The following SNCAIP variants were observed in gnomAD, a reference collection of about 807,000 sequenced individuals.
SNCAIP encodes synuclein alpha interacting protein.
In SNCAIP, 43 loss-of-function variants were observed where a neutral mutation model predicts 86.7. That is an observed-to-expected ratio of 0.50 (90% CI 0.39 to 0.64). SNCAIP has a LOEUF of 0.64. SNCAIP is among the 30% of genes least tolerant of loss of function. The pLI is 0.00. For missense variants in SNCAIP, 981 were observed against 1,103.1 expected (o/e 0.89, Z 1.57); for synonymous variants, 417 against 427.2 (o/e 0.98, Z 0.29).
chr5:122,452,298 T>C (rs1363159953), intron 10 of SNCAIP, among the ~76,000 whole-genome samples: 1 of 152,206 alleles, frequency 6.6e-6, no homozygotes, highest in Non-Finnish European at 1.5e-5. Flanking sequence ...GATATGAACA[T>C]CTTTTTAGGC....
intron 1 of SNCAIP, among the ~76,000 whole-genome samples, chr5:122,390,381 T>G (rs1769091298): frequency 6.6e-6 from 1 of 152,034 alleles, no homozygotes; most frequent in South Asian, 2.1e-4. Flanking sequence ...CTGTGATAGA[T>G]TTAAAGGGTT....
At chr5:122,404,185 A>C (rs1772464623) in intron 3 of SNCAIP, among the ~76,000 whole-genome samples, 1 of 152,196 alleles carries the variant, frequency 6.6e-6, no homozygotes, top group South Asian at 2.1e-4. Context: ...TTGGTGACAA[A>C]ACATAATGAT....
chr5:122,414,491 A>C (rs961122985), intron 3 of SNCAIP, among the ~76,000 whole-genome samples: 6 of 152,084 alleles, frequency 3.9e-5, no homozygotes, highest in African/African-American at 7.2e-5. Context: ...TTAGCCTCCA[A>C]AGTGCTGGAA....
At chr5:122,374,431 GA>G (rs759331610) in intron 1 of SNCAIP, among the ~76,000 whole-genome samples, 8 of 152,048 alleles carry the variant, frequency 5.3e-5, no homozygotes, top group Non-Finnish European at 1.2e-4. Flanking sequence ...TGCCAAAGAG[GA>G]AAAACCCACA....
chr5:122,442,112 CT>C (rs10688988), intron 7 of SNCAIP, among the ~76,000 whole-genome samples: 168 of 65,730 alleles, frequency 2.6e-3, no homozygotes, highest in African/African-American at 6.6e-3. Flanking sequence ...AAGCAGTACT[CT>C]TTTTTTTTTT....
chr5:122,396,088 A>G (rs951938398), intron 2 of SNCAIP, among the ~76,000 whole-genome samples: 1 of 152,068 alleles, frequency 6.6e-6, no homozygotes, highest in Admixed American at 6.6e-5. Context: ...AGAATACCTC[A>G]GCTTTATGCA....
intron 1 of SNCAIP, among the ~76,000 whole-genome samples, chr5:122,370,961 C>T (rs1764154553): frequency 6.6e-6 from 1 of 152,122 alleles, no homozygotes; most frequent in Non-Finnish European, 1.5e-5. Flanking sequence ...ATCTCAAACT[C>T]AAGTGGGCTA....
chr5:122,365,610 C>T (rs555938774), intron 1 of SNCAIP, among the ~76,000 whole-genome samples: 8 of 152,130 alleles, frequency 5.3e-5, no homozygotes, highest in Non-Finnish European at 1.2e-4. Context: ...GCCTGTGAGG[C>T]GGAGATTGCA....
intron 10 of SNCAIP, among the ~76,000 whole-genome samples, chr5:122,455,544 T>C (rs1340046062): frequency 2.6e-5 from 4 of 152,146 alleles, no homozygotes; most frequent in Non-Finnish European, 5.9e-5. Context: ...AGTCATTGGG[T>C]TGGAGTTGGG....
intron 1 of SNCAIP, among the ~76,000 whole-genome samples, chr5:122,366,261 C>G (rs1763176109): frequency 6.6e-6 from 1 of 152,158 alleles, no homozygotes; most frequent in Admixed American, 6.5e-5. Context: ...AAGTTAGGGC[C>G]ACTAGCAAAG....
In SNCAIP at chr5:122,451,110, A is replaced by G. The variant is rs1393127270; in HGVS notation, c.2263A>G (p.Ser755Gly). ...GHSPSPTSES[S>G]EPDLESQYPG... ...CAGCCCATCTCCCACCTCAGAGAGCAGCGAACCAGACTTAGAATCCCAGTA... is the reference window on the plus strand; with the variant it reads ...CAGCCCATCTCCCACCTCAGAGAGCGGCGAACCAGACTTAGAATCCCAGTA... Residue 755 changes from serine to glycine, a missense_variant, in exon 10 of 11, where the codon AGC becomes GGC. Ser to Gly is a moderately conservative substitution (Grantham distance 56). Transcript: ENST00000261368. 1 of 1,614,034 alleles carries G rather than the reference A, an allele frequency of 6.2e-7. No individual in the cohort carries two copies. The highest frequency in any genetic ancestry group is 8.5e-7 in the Non-Finnish European group (1 of 1,180,026).
rs139923695 is a variant in SNCAIP at position 122,412,855 on chromosome 5, C to A, written c.130+8990C>A. 4.9e-3 allele frequency among the ~76,000 whole-genome samples: 753 copies of A among 152,302 alleles called. 4 individuals carry two copies. Among genetic ancestry groups the A allele is most frequent in the Non-Finnish European group, 8.2e-3 (557 of 68,028 alleles). On this transcript the variant is annotated intron_variant, in intron 3 of 10. Coordinates refer to ENST00000261368, the MANE Select transcript of SNCAIP (RefSeq NM_005460.4). ...TGAAACATCTCATCAGGCGCTGAAG[C>A]CAGATTTCTTGCTTTCCCTGATGTC...
chr5:122,339,874 T>C (rs909991845), intron 1 of SNCAIP, among the ~76,000 whole-genome samples: 3 of 152,176 alleles, frequency 2.0e-5, no homozygotes, highest in Admixed American at 6.5e-5. Context: ...CCCTTCCAAG[T>C]CTGTCTTCAG....
At chr5:122,429,587 C>T (rs1165418871) in intron 5 of SNCAIP, among the ~76,000 whole-genome samples, 1 of 151,832 alleles carries the variant, frequency 6.6e-6, no homozygotes, top group Non-Finnish European at 1.5e-5. Flanking sequence ...AATATGGTTG[C>T]TATTCCTTTC....
intron 6 of SNCAIP, 115 bp downstream of exon 6, chr5:122,432,197 G>T (rs966851388): frequency 1.5e-5 from 10 of 673,576 alleles, no homozygotes; most frequent in Non-Finnish European, 2.5e-5. Flanking sequence ...GTATCCAAAG[G>T]TATATAACCA....
chr5:122,358,751 G>A (rs571832711), intron 1 of SNCAIP, among the ~76,000 whole-genome samples: 54 of 152,212 alleles, frequency 3.5e-4, no homozygotes, highest in African/African-American at 1.2e-3. Context: ...TGAACTTGCA[G>A]CACCCTATAT....
At chr5:122,352,290 T>G (rs565379253) in intron 1 of SNCAIP, among the ~76,000 whole-genome samples, 1 of 152,324 alleles carries the variant, frequency 6.6e-6, no homozygotes, top group Non-Finnish European at 1.5e-5. Context: ...AGAATATGTT[T>G]TTATTAAGCC....
chr5:122,434,430 G>A (rs889240660), intron 6 of SNCAIP, among the ~76,000 whole-genome samples: 1 of 152,062 alleles, frequency 6.6e-6, no homozygotes, highest in African/African-American at 2.4e-5. Context: ...GAAGCTATTG[G>A]GACTGAACAA....
At chr5:122,405,216 C>T (rs1038547494) in intron 3 of SNCAIP, among the ~76,000 whole-genome samples, 2 of 152,134 alleles carry the variant, frequency 1.3e-5, no homozygotes, top group African/African-American at 2.4e-5. Flanking sequence ...AGCTAAATGA[C>T]CTTGAATCTG....
Sources: gnomAD v4.1 joint callset for allele counts (sites outside exome capture counted in the v4.1 genomes callset) on GRCh38, gnomAD v4.1.1 for gene constraint, MANE v1.5 for transcripts, NCBI Gene and HGNC (gene_info 2026-07-23, HGNC 2026-07-21) for gene names.